Variants in BICRAL observed in about 807,000 individuals in gnomAD.
BICRAL encodes BICRA like chromatin remodeling complex associated protein.
Under a neutral mutation model 91.8 loss-of-function variants are expected in BICRAL, and 8 were observed. The observed-to-expected ratio is 0.09, with a 90% CI of 0.05 to 0.16. The LOEUF is 0.16. Ranked by LOEUF, BICRAL falls within the 10% of genes least tolerant of loss-of-function variation. BICRAL has a pLI of 1.00. For synonymous variants in BICRAL, 445 were observed against 491.1 expected, an observed-to-expected ratio of 0.91 and a Z score of 1.24; for missense variants, 1,038 against 1,310.9, an observed-to-expected ratio of 0.79 and a Z score of 3.21.
chr6:42,842,112 G>T (rs954843630), intron 6 of BICRAL, among the ~76,000 whole-genome samples: 2 of 152,176 alleles, frequency 1.3e-5, no homozygotes, highest in African/African-American at 4.8e-5. Context: ...CTGTGCAATA[G>T]AATTACCTGG....
chr6:42,864,913 G>T lies in BICRAL; in HGVS notation c.2707G>T (p.Ala903Ser). ...ISKKTECLGR[A>S]LKFDKVGLVQ... ...TAAAAAAACAGAATGCCTTGGCAGA[G>T]CACTGAAATTTGACAAAGTGGGCTT... Residue 903 changes from alanine to serine, a missense_variant, in exon 13 of 13, where the codon GCA becomes TCA. By Grantham distance (99) the Ala-to-Ser change is moderately conservative. Transcript: ENST00000314073. The T allele has an allele frequency of 6.2e-7, 1 of 1,614,206 alleles. No individual in the cohort carries two copies. The highest frequency in any genetic ancestry group is 8.5e-7 in the Non-Finnish European group (1 of 1,180,046).
At chr6:42,797,832 C>T (rs771484914) in intron 1 of BICRAL, among the ~76,000 whole-genome samples, 5 of 151,942 alleles carry the variant, frequency 3.3e-5, no homozygotes, top group South Asian at 2.1e-4. Context: ...AAAAATTAGC[C>T]GGGCATGGTG....
intron 6 of BICRAL, among the ~76,000 whole-genome samples, chr6:42,841,736 T>G (rs1178975565): frequency 1.3e-5 from 2 of 152,244 alleles, no homozygotes; most frequent in Non-Finnish European, 2.9e-5. Context: ...CTAATCATAT[T>G]ACTAACGAGG....
intron 2 of BICRAL, among the ~76,000 whole-genome samples, chr6:42,814,512 T>C (rs1763926665): frequency 2.1e-5 from 2 of 96,746 alleles, no homozygotes; most frequent in South Asian, 8.1e-4. Context: ...TATATATATA[T>C]ATATATATTT....
Position 42,806,227 on chromosome 6 carries a change from C to G in BICRAL, c.-101-4079C>G, listed in dbSNP as rs139010798. Among the ~76,000 whole-genome samples the G allele has an allele frequency of 2.1e-3, 319 of 152,236 alleles. 1 individual carries two copies. Among genetic ancestry groups the G allele is most frequent in the African/African-American group, 7.4e-3 (308 of 41,546 alleles). On this transcript the variant is annotated intron_variant, in intron 1 of 12. Transcript: ENST00000314073. ...CAACCAGAGGCCCTTGTTTGCAGGTCCCACCTGACTCCACTCAGACCTGGA... is the reference window on the plus strand; with the variant it reads ...CAACCAGAGGCCCTTGTTTGCAGGTGCCACCTGACTCCACTCAGACCTGGA...
chr6:42,751,110 C>T (rs908895219), intron 1 of BICRAL, among the ~76,000 whole-genome samples: 2 of 149,172 alleles, frequency 1.3e-5, no homozygotes. Flanking sequence ...AGGATCCAAA[C>T]AAGTTCCATA....
intron 1 of BICRAL, among the ~76,000 whole-genome samples, chr6:42,759,068 T>A (rs1470343322): frequency 1.3e-5 from 2 of 152,266 alleles, no homozygotes; most frequent in East Asian, 3.9e-4. Context: ...TAAATCTGAA[T>A]CTCTGGGAGT....
chr6:42,843,800 CTT>C lies in BICRAL; in HGVS notation c.1840-8275_1840-8274del, dbSNP rs55723359. 3.0e-3 allele frequency among the ~76,000 whole-genome samples: 308 copies of C among 102,080 alleles called. 3 individuals carry two copies. Among genetic ancestry groups the C allele is most frequent in the Middle Eastern group, 9.7e-3 (2 of 206 alleles). 67.0% of individuals were successfully genotyped at this position (102,080 alleles called of 152,430 possible). A position where few individuals can be genotyped will look rare whatever the true frequency, so the allele number is the denominator to read the frequency against. On this transcript the variant is annotated intron_variant, in intron 6 of 12. Transcript: ENST00000314073. ...GGATTGATCAGCATATAAATTTCTT[CTT>C]TTTTTTTTTTTTTTTTGAGACGGAG...
intron 1 of BICRAL, among the ~76,000 whole-genome samples, chr6:42,757,335 T>C (rs1762477368): frequency 1.3e-5 from 2 of 151,654 alleles, no homozygotes; most frequent in Admixed American, 6.6e-5. Context: ...CACTGCAAGC[T>C]CCGCCTCCCA....
intron 1 of BICRAL, among the ~76,000 whole-genome samples, chr6:42,786,011 C>A (rs899308860): frequency 1.3e-5 from 2 of 151,942 alleles, no homozygotes; most frequent in Non-Finnish European, 2.9e-5. Context: ...GCTGAGATCG[C>A]GCCACTGCAC....
chr6:42,755,143 C>G (rs1340550327), intron 1 of BICRAL, among the ~76,000 whole-genome samples: 1 of 148,668 alleles, frequency 6.7e-6, no homozygotes, highest in Non-Finnish European at 1.5e-5. Flanking sequence ...TTTGAAAACC[C>G]TGGGGGAATA....
At chr6:42,817,603 C>A (rs1764028764) in intron 2 of BICRAL, among the ~76,000 whole-genome samples, 1 of 151,730 alleles carries the variant, frequency 6.6e-6, no homozygotes, top group African/African-American at 2.4e-5. Flanking sequence ...TCTCAGCCTC[C>A]CAAGTAGCTG....
chr6:42,846,921 T>G (rs1225642929), intron 6 of BICRAL, among the ~76,000 whole-genome samples: 2 of 152,202 alleles, frequency 1.3e-5, no homozygotes, highest in Non-Finnish European at 2.9e-5. Flanking sequence ...GATAAGAGGG[T>G]CATCCTTGCC....
At chr6:42,852,611 G>C (rs1765223445) in intron 7 of BICRAL, 1 of 338,236 alleles carries the variant, frequency 3.0e-6, no homozygotes, top group Non-Finnish European at 5.7e-6. Flanking sequence ...GCAGTGAGCT[G>C]AGATCACACC....
At chr6:42,790,424 C>T (rs979666767) in intron 1 of BICRAL, among the ~76,000 whole-genome samples, 1 of 150,182 alleles carries the variant, frequency 6.7e-6, no homozygotes, top group Admixed American at 6.7e-5. Context: ...AGTCTTCCCA[C>T]CTTTCCCTCC....
chr6:42,857,368 G>A, intron 10 of BICRAL, 132 bp downstream of exon 10: 2 of 682,252 alleles, frequency 2.9e-6, no homozygotes, highest in Admixed American at 6.0e-5. Context: ...GACCAAACTT[G>A]TTCCCTGTTT....
chr6:42,852,124 C>A lies in BICRAL; in HGVS notation c.1872C>A (p.Pro624=). 1 of 1,611,700 alleles carries A rather than the reference C, an allele frequency of 6.2e-7. No individual in the cohort carries two copies. Among genetic ancestry groups the A allele is most frequent in the Non-Finnish European group, 8.5e-7 (1 of 1,177,982 alleles). ...AAAAATGTCTGAATCAGACTTCCCC[C>A]ATTTCTGCTCCCAAGACCACAGACG... The part of the protein sequence containing the change: ...AQKKCLNQTS[P]ISAPKTTDGL... Residue 624 remains proline (P), a synonymous_variant, in exon 7 of 13, where the codon CCC becomes CCA. Transcript: ENST00000314073.
intron 1 of BICRAL, among the ~76,000 whole-genome samples, chr6:42,809,936 G>GCCA (rs1037379186): frequency 3.9e-5 from 6 of 152,028 alleles, no homozygotes; most frequent in African/African-American, 1.5e-4. Context: ...ATAGGCGTGT[G>GCCA]CCACCACACC....
chr6:42,753,414 T>C (rs1215505180), intron 1 of BICRAL, among the ~76,000 whole-genome samples: 3 of 151,798 alleles, frequency 2.0e-5, no homozygotes, highest in Admixed American at 6.6e-5. Context: ...GTGGTGGGGG[T>C]TGCCTTGTTG....
Sources: allele counts gnomAD v4.1 joint callset (sites outside exome capture counted in the v4.1 genomes callset), GRCh38; gene constraint gnomAD v4.1.1; transcripts MANE v1.5; gene names NCBI Gene and HGNC (gene_info 2026-07-23, HGNC 2026-07-21).